Variants in DSCAM observed in about 807,000 individuals in gnomAD.
DSCAM encodes cell adhesion molecule DSCAM.
A neutral mutation model predicts 217.7 loss-of-function variants in DSCAM; 47 were observed. The ratio of observed to expected loss-of-function variants is 0.22; its 90% CI spans 0.17 to 0.28. The LOEUF (loss-of-function observed/expected upper bound fraction) is 0.28. Among genes scored for constraint, DSCAM ranks in the 10% least tolerant of loss-of-function variants. The probability of loss-of-function intolerance (pLI) is 1.00; values close to 1 mark genes in which losing one functional copy is unlikely to be tolerated. For synonymous variants in DSCAM, 1,056 were observed against 1,015.3 expected (o/e 1.04, Z -0.76); for missense variants, 2,080 against 2,618.3 (o/e 0.79, Z 4.49).
At chr21:40,318,093 C>A (rs1408633359) in intron 8 of DSCAM, among the ~76,000 whole-genome samples, 1 of 147,956 alleles carries the variant, frequency 6.8e-6, no homozygotes, top group Non-Finnish European at 1.5e-5. Context: ...GGACAAAAAA[C>A]CAAACACCGC....
intron 3 of DSCAM, among the ~76,000 whole-genome samples, chr21:40,476,433 A>G (rs1460154314): frequency 6.6e-6 from 1 of 152,252 alleles, no homozygotes; most frequent in African/African-American, 2.4e-5. Flanking sequence ...TGCAAAATGC[A>G]CAGGTAAGTG....
At chr21:40,114,332 T>A (rs62237609) in intron 20 of DSCAM, among the ~76,000 whole-genome samples, 30 of 150,746 alleles carry the variant, frequency 2.0e-4, no homozygotes, top group Admixed American at 1.1e-3. Flanking sequence ...CTATTTAATA[T>A]ATGGTGCTGG....
intron 20 of DSCAM, among the ~76,000 whole-genome samples, chr21:40,096,472 C>T (rs1040816941): frequency 1.3e-5 from 2 of 152,016 alleles, no homozygotes; most frequent in African/African-American, 4.8e-5. Context: ...AGGTTCACAA[C>T]ACATATTAAT....
intron 32 of DSCAM, among the ~76,000 whole-genome samples, chr21:40,021,325 CAG>C (rs2088268012): frequency 6.6e-6 from 1 of 151,654 alleles, no homozygotes; most frequent in Admixed American, 6.6e-5. Context: ...CCATCTGGGA[CAG>C]TGGTAAGGAG....
At chr21:40,308,962 C>T (rs887675358) in intron 9 of DSCAM, among the ~76,000 whole-genome samples, 17 of 152,152 alleles carry the variant, frequency 1.1e-4, no homozygotes, top group Admixed American at 5.9e-4. Flanking sequence ...TGCACTGGTA[C>T]AAAGAATTCT....
intron 3 of DSCAM, among the ~76,000 whole-genome samples, chr21:40,636,986 A>G (rs796299467): frequency 2.0e-5 from 3 of 149,548 alleles, no homozygotes; most frequent in African/African-American, 7.4e-5. Flanking sequence ...AGTTCCCTGT[A>G]TAGACCAAAG....
intron 3 of DSCAM, among the ~76,000 whole-genome samples, chr21:40,402,698 G>T (rs541810403): frequency 4.4e-4 from 65 of 147,598 alleles, no homozygotes; most frequent in Middle Eastern, 3.5e-3. Flanking sequence ...TTAATTTATT[G>T]AGAGGAAGAT....
intron 22 of DSCAM, among the ~76,000 whole-genome samples, chr21:40,086,793 T>C (rs1032807248): frequency 2.0e-5 from 3 of 152,230 alleles, no homozygotes; most frequent in Admixed American, 6.5e-5. Flanking sequence ...TAGTTCACTA[T>C]CTTTAAAGAA....
At chr21:40,093,141 T>C (rs1379516156) in intron 21 of DSCAM, among the ~76,000 whole-genome samples, 1 of 152,214 alleles carries the variant, frequency 6.6e-6, no homozygotes, top group Non-Finnish European at 1.5e-5. Flanking sequence ...ATGGCCGTGA[T>C]TACCAGAAGA....
At chr21:40,450,818 T>C (rs2075712682) in intron 3 of DSCAM, among the ~76,000 whole-genome samples, 1 of 152,228 alleles carries the variant, frequency 6.6e-6, no homozygotes, top group African/African-American at 2.4e-5. Flanking sequence ...GGAAGCTTCT[T>C]ACTAAGGAAC....
At chr21:40,768,475 C>G (rs1999329) in intron 1 of DSCAM, among the ~76,000 whole-genome samples, 1 of 152,066 alleles carries the variant, frequency 6.6e-6, no homozygotes, top group South Asian at 2.1e-4. Flanking sequence ...TTTCACTAAC[C>G]GAAAGCATTC....
chr21:40,358,545 G>T (rs139029174), intron 4 of DSCAM, among the ~76,000 whole-genome samples: 1 of 152,032 alleles, frequency 6.6e-6, no homozygotes, highest in East Asian at 1.9e-4. Flanking sequence ...GGTGACTCAC[G>T]CCTGTAATCC....
At chr21:40,466,095 AC>A (rs1350765329) in intron 3 of DSCAM, among the ~76,000 whole-genome samples, 1 of 152,198 alleles carries the variant, frequency 6.6e-6, no homozygotes, top group Non-Finnish European at 1.5e-5. Context: ...CATCCCACAG[AC>A]ATATGTGTGG....
At chr21:40,560,068 T>G (rs376918252) in intron 3 of DSCAM, among the ~76,000 whole-genome samples, 1 of 152,156 alleles carries the variant, frequency 6.6e-6, no homozygotes, top group Non-Finnish European at 1.5e-5. Flanking sequence ...GCTGGGATTA[T>G]AGGCTTGAGC....
chr21:40,030,023 TACACATTCAC>T (rs570503234), intron 32 of DSCAM, among the ~76,000 whole-genome samples: 21 of 152,332 alleles, frequency 1.4e-4, no homozygotes, highest in African/African-American at 3.8e-4. Flanking sequence ...CGTGCACACA[TACACATTCAC>T]ACACAAGTAC....
chr21:40,684,277 C>T (rs553277991), intron 3 of DSCAM, among the ~76,000 whole-genome samples: 1 of 152,124 alleles, frequency 6.6e-6, no homozygotes, highest in South Asian at 2.1e-4. Flanking sequence ...CTCAATGTGC[C>T]CAGTCTGCAG....
chr21:40,220,735 C>G (rs973527619), intron 11 of DSCAM, among the ~76,000 whole-genome samples: 2 of 152,182 alleles, frequency 1.3e-5, no homozygotes, highest in Non-Finnish European at 2.9e-5. Flanking sequence ...GAAACAGATG[C>G]AGGACACAAT....
rs542106779 is a variant in DSCAM, at chr21:40,259,661, CTTTTTTTTTT to C, written c.2356+16426_2356+16435del. Among the ~76,000 whole-genome samples, 49 of 59,516 alleles carry C rather than the reference CTTTTTTTTTT, an allele frequency of 8.2e-4. 2 individuals are homozygous for C. In the South Asian group the frequency reaches 0.013, roughly 15 times the overall value. The allele number at this position is 59,516 out of a possible 152,430, so 39.0% of individuals were successfully genotyped here. A position where few individuals can be genotyped will look rare whatever the true frequency, so the allele number is the denominator to read the frequency against. ...GAATGAAAGTTTTGAGTCAGCCATT[CTTTTTTTTTT>C]TTTTTTTTTTTTTTTTTTTTGAGAT... is the stretch of plus-strand genomic sequence containing the variant. On this transcript the variant is annotated intron_variant, in intron 11 of 32. Transcript: ENST00000400454.
chr21:40,745,669 T>C (rs546479014), intron 1 of DSCAM, among the ~76,000 whole-genome samples: 39 of 152,260 alleles, frequency 2.6e-4, no homozygotes, highest in African/African-American at 9.4e-4. Context: ...GAGTTCTTCA[T>C]CTGAAAGAAA....
Sources: allele counts gnomAD v4.1 joint callset (sites outside exome capture counted in the v4.1 genomes callset), GRCh38; gene constraint gnomAD v4.1.1; transcripts MANE v1.5; gene names NCBI Gene and HGNC (gene_info 2026-07-23, HGNC 2026-07-21).